Variants in MYO10 observed in about 807,000 individuals in gnomAD.
MYO10 encodes unconventional myosin-X.
A neutral mutation model predicts 257.3 loss-of-function variants in MYO10; 133 were observed. The observed-to-expected ratio is 0.52, with a 90% CI of 0.45 to 0.60. The LOEUF (loss-of-function observed/expected upper bound fraction) is 0.60, where lower values mean the gene tolerates loss of function less well. MYO10 is among the 20% of genes least tolerant of loss of function. MYO10 has a pLI of 0.00. For synonymous variants in MYO10, 1,104 were observed against 1,028.6 expected (o/e 1.07, Z -1.40); for missense variants, 2,399 against 2,635.7 (o/e 0.91, Z 1.97).
intron 2 of MYO10, among the ~76,000 whole-genome samples, chr5:16,823,446 CGCGGG>C (rs1348398125): frequency 0.19 from 781 of 4,200 alleles, 182 homozygotes; most frequent in African/African-American, 0.45. Flanking sequence ...CTCCATCTTG[CGCGGG>C]GGGGGGGGGA....
chr5:16,708,720 C>T lies in MYO10; in HGVS notation c.2169+2188G>A, dbSNP rs1738459470. The stretch of plus-strand genomic sequence containing the variant: ...GGGACTATAGGCACATGCCACCACG[C>T]CTGGCTAATTTTTCTGAATTTCAGT... On this transcript the variant is annotated intron_variant, in intron 21 of 40. Coordinates refer to ENST00000513610, the MANE Select transcript of MYO10 (RefSeq NM_012334.3). 2.0e-5 allele frequency among the ~76,000 whole-genome samples: 3 copies of T among 152,098 alleles called. No homozygotes were observed. The South Asian group carries it at 6.2e-4, about 32-fold the overall frequency.
intron 4 of MYO10, among the ~76,000 whole-genome samples, chr5:16,794,408 C>T (rs1436373109): frequency 2.9e-5 from 4 of 138,314 alleles, no homozygotes; most frequent in African/African-American, 1.1e-4. Context: ...AAAAAAGGAA[C>T]AGAATGGAAT....
chr5:16,812,786 A>G (rs1311618453), intron 3 of MYO10, among the ~76,000 whole-genome samples: 1 of 151,942 alleles, frequency 6.6e-6, no homozygotes, highest in Non-Finnish European at 1.5e-5. Flanking sequence ...GTTAAGAGGG[A>G]TTATGATATC....
At chr5:16,862,323 T>C (rs1405760701) in intron 2 of MYO10, among the ~76,000 whole-genome samples, 1 of 152,186 alleles carries the variant, frequency 6.6e-6, no homozygotes, top group African/African-American at 2.4e-5. Flanking sequence ...ATTCACCATG[T>C]ATATTACTAT....
At chr5:16,763,414 C>G (rs1740777285) in intron 14 of MYO10, 67 bp downstream of exon 14, 3 of 1,243,312 alleles carry the variant, frequency 2.4e-6, no homozygotes, top group Non-Finnish European at 3.5e-6. Flanking sequence ...TTATTTTGTT[C>G]CCATAAATAT....
chr5:16,701,037 C>G lies in MYO10; in HGVS notation c.3358G>C (p.Asp1120His). ...TAGGTCCCCACAGAGCAGCGGTAGT[C>G]GGGGGACCACTGGCTGCCGTAGGAG... ...SNSYGSQWSP[D>H]YRCSVGTYNS... is the part of the protein sequence containing the mutation. The change falls in exon 25 of 41, where the codon GAC becomes CAC. Residue 1120 changes from aspartate to histidine, a missense_variant. This residue lies in a region of MYO10 where 1,820 missense variants were observed against 1,939.4 expected (regional missense o/e 0.94). Coordinates refer to ENST00000513610, the MANE Select transcript of MYO10 (RefSeq NM_012334.3). The surrounding 1 kb of genome is among the most constrained non-coding windows in gnomAD (Gnocchi z 8.1). 1 of 1,564,136 alleles carries G rather than the reference C, an allele frequency of 6.4e-7. No homozygotes were observed. Among genetic ancestry groups the G allele is most frequent in the Non-Finnish European group, 8.7e-7 (1 of 1,154,636 alleles).
At chr5:16,738,895 A>G (rs1325680309) in intron 19 of MYO10, among the ~76,000 whole-genome samples, 1 of 150,742 alleles carries the variant, frequency 6.6e-6, no homozygotes, top group African/African-American at 2.4e-5. Context: ...CATCTCAAAA[A>G]AAAAAAAAAA....
At chr5:16,884,463 TTAAATC>T (rs1744840348) in intron 1 of MYO10, among the ~76,000 whole-genome samples, 1 of 152,192 alleles carries the variant, frequency 6.6e-6, no homozygotes, top group Admixed American at 6.5e-5. Flanking sequence ...ATATGGCTAT[TTAAATC>T]TGCAGTAAAT....
chr5:16,870,065 A>C (rs1744408095), intron 2 of MYO10, among the ~76,000 whole-genome samples: 1 of 151,330 alleles, frequency 6.6e-6, no homozygotes, highest in South Asian at 2.1e-4. Context: ...GATTTTAGAC[A>C]CACATGGCTC....
At chr5:16,685,371 T>C (rs1256147050) in intron 29 of MYO10, among the ~76,000 whole-genome samples, 1 of 151,804 alleles carries the variant, frequency 6.6e-6, no homozygotes, top group Non-Finnish European at 1.5e-5. Context: ...ATACCATGCC[T>C]GGATAATTTT....
chr5:16,718,011 G>A (rs1420955891), intron 19 of MYO10, among the ~76,000 whole-genome samples: 1 of 152,214 alleles, frequency 6.6e-6, no homozygotes, highest in African/African-American at 2.4e-5. Flanking sequence ...CTGGAGTTGC[G>A]GGTGGGCGTG....
chr5:16,889,729 T>G (rs1159762953), intron 1 of MYO10, among the ~76,000 whole-genome samples: 1 of 151,682 alleles, frequency 6.6e-6, no homozygotes, highest in East Asian at 1.9e-4. Flanking sequence ...GTTTAAGAAC[T>G]GCATTCCACT....
chr5:16,913,174 GA>G (rs5866220), intron 1 of MYO10, among the ~76,000 whole-genome samples: 1 of 150,994 alleles, frequency 6.6e-6, no homozygotes, highest in East Asian at 1.9e-4. Flanking sequence ...GGTTATAGAG[GA>G]AAAAAAAATC....
At chr5:16,888,587 C>T (rs545649346) in intron 1 of MYO10, among the ~76,000 whole-genome samples, 5 of 151,000 alleles carry the variant, frequency 3.3e-5, no homozygotes, top group African/African-American at 4.9e-5. Context: ...AAGAGCGAGA[C>T]TCCGTCTCAA....
chr5:16,857,156 G>C (rs1249941276), intron 2 of MYO10, among the ~76,000 whole-genome samples: 4 of 152,124 alleles, frequency 2.6e-5, no homozygotes, highest in Admixed American at 1.3e-4. Context: ...ACAACACACA[G>C]GCTTGTCCTC....
intron 19 of MYO10, among the ~76,000 whole-genome samples, chr5:16,714,433 G>A (rs1373033189): frequency 6.6e-6 from 1 of 152,176 alleles, no homozygotes; most frequent in Non-Finnish European, 1.5e-5. Context: ...GAGTCACAAG[G>A]AGTCACTGGA....
In MYO10 at chr5:16,663,502, A is replaced by T. The variant is rs1736051010; in HGVS notation, c.*3190T>A. 2 of 152,038 alleles carry T rather than the reference A, an allele frequency of 1.3e-5. No homozygotes were observed. Among genetic ancestry groups the T allele is most frequent in the Non-Finnish European group, 2.9e-5 (2 of 68,032 alleles). 9.4% of individuals were successfully genotyped at this position (152,038 alleles called of 1,614,324 possible). ...ACATTCAAAACTACAGTCAGCCCTC[A>T]GTGTTCATGTGGTCTGAATCCAACC... On this transcript the variant is annotated 3_prime_UTR_variant, in exon 41 of 41. Coordinates refer to ENST00000513610, the MANE Select transcript of MYO10 (RefSeq NM_012334.3).
chr5:16,915,991 C>A, intron 1 of MYO10: 8 of 447,770 alleles, frequency 1.8e-5, no homozygotes, highest in South Asian at 1.1e-4. Context: ...ACTCACCATA[C>A]ATTTCTTATC....
chr5:16,866,956 G>C (rs539450882), intron 2 of MYO10, among the ~76,000 whole-genome samples: 1 of 152,150 alleles, frequency 6.6e-6, no homozygotes, highest in South Asian at 2.1e-4. Context: ...CCAGCTGCCC[G>C]ACCTGGAGAG....
Sources: gnomAD v4.1 joint callset for allele counts (sites outside exome capture counted in the v4.1 genomes callset) on GRCh38, gnomAD v4.1.1 for gene constraint, gnomAD v4.1.1 regional missense constraint, Gnocchi (gnomAD v3.1) non-coding constraint, MANE v1.5 for transcripts, NCBI Gene and HGNC (gene_info 2026-07-23, HGNC 2026-07-21) for gene names.